Variants in TBXAS1 observed in about 807,000 individuals in gnomAD.
TBXAS1 encodes the protein thromboxane-A synthase.
A neutral mutation model predicts 60.7 loss-of-function variants in TBXAS1; 48 were observed. The observed-to-expected ratio is 0.79, with a 90% confidence interval of 0.63 to 1.01. TBXAS1 has a LOEUF of 1.01. TBXAS1 is among the 50% of genes least tolerant of loss of function. The pLI is 0.00. For missense variants in TBXAS1, 685 were observed against 686.3 expected, an observed-to-expected ratio of 1.00 and a Z score of 0.02; for synonymous variants, 287 against 269.7, an observed-to-expected ratio of 1.06 and a Z score of -0.63.
chr7:139,907,709 T>A (rs1805213435), intron 3 of TBXAS1, among the ~76,000 whole-genome samples: 1 of 152,072 alleles, frequency 6.6e-6, no homozygotes, highest in African/African-American at 2.4e-5. Flanking sequence ...AACCATCAAG[T>A]ATGATTTAAG....
intron 9 of TBXAS1, among the ~76,000 whole-genome samples, chr7:139,991,961 T>C (rs1228146846): frequency 6.6e-6 from 1 of 152,172 alleles, no homozygotes; most frequent in Non-Finnish European, 1.5e-5. Flanking sequence ...AGATGGAGTA[T>C]GGGTCTCACT....
intron 9 of TBXAS1, among the ~76,000 whole-genome samples, chr7:139,969,600 AAAT>A (rs940532535): frequency 3.9e-5 from 6 of 152,196 alleles, no homozygotes; most frequent in Non-Finnish European, 2.9e-5. Context: ...TGGAAAAAAA[AAAT>A]GTCTTCCCAT....
chr7:139,979,013 G>A (rs940066877), intron 9 of TBXAS1, among the ~76,000 whole-genome samples: 1 of 152,152 alleles, frequency 6.6e-6, no homozygotes, highest in South Asian at 2.1e-4. Context: ...TGACTTCAAG[G>A]TAGAGGCAGA....
intron 3 of TBXAS1, among the ~76,000 whole-genome samples, chr7:139,785,487 G>GTTGTTT (rs1554462810): frequency 4.0e-5 from 6 of 150,448 alleles, no homozygotes; most frequent in Admixed American, 1.3e-4. Context: ...TGTTGTTGTT[G>GTTGTTT]TTTTTTGTGT....
chr7:139,963,426 C>A (rs898967226), intron 9 of TBXAS1, among the ~76,000 whole-genome samples: 1 of 152,238 alleles, frequency 6.6e-6, no homozygotes, highest in Non-Finnish European at 1.5e-5. Context: ...CCTATTTCAT[C>A]CAAGTCATTG....
At chr7:139,906,952 A>G (rs527535516) in intron 3 of TBXAS1, among the ~76,000 whole-genome samples, 20 of 152,264 alleles carry the variant, frequency 1.3e-4, no homozygotes, top group Non-Finnish European at 2.6e-4. Context: ...ATTTTTTAGT[A>G]GTTTCTCTGT....
chr7:139,839,984 C>CA (rs563726492), intron 1 of TBXAS1, among the ~76,000 whole-genome samples: 49,900 of 109,040 alleles, frequency 0.46, 10,225 homozygotes, highest in South Asian at 0.69. Flanking sequence ...AACTCTGTCT[C>CA]AAAAAAAAAA....
chr7:139,838,011 C>A (rs1159899769), intron 1 of TBXAS1, among the ~76,000 whole-genome samples: 1 of 152,178 alleles, frequency 6.6e-6, no homozygotes, highest in South Asian at 2.1e-4. Context: ...AAGTCCACAA[C>A]CATCAGCCCC....
At position 140,020,094 on chromosome 7, in the gene TBXAS1, C is replaced by T. The variant is rs201159138; in HGVS notation, c.1597C>T (p.Arg533Cys). 14 of 1,612,900 alleles carry T rather than the reference C, an allele frequency of 8.7e-6. No homozygotes were observed. In the Middle Eastern group the frequency reaches 6.6e-4, roughly 76 times the overall value. ...TGGTGTCTATATCAAGATCGTATCC[C>T]GCTGACACAGAAGGCTGCCGGGTGG... ...KNGVYIKIVS[R>C] Residue 533 changes from arginine to cysteine, a missense_variant, in exon 13 of 13, where the codon CGC becomes TGC. By Grantham distance (180) the Arg-to-Cys change is radical. Coordinates refer to ENST00000448866, the MANE Select transcript of TBXAS1 (RefSeq NM_001061.7).
In TBXAS1 at chr7:140,004,732, C is replaced by G. The variant is rs1813928385; in HGVS notation, c.1135-2359C>G. 6.6e-6 allele frequency among the ~76,000 whole-genome samples: 1 copy of G among 152,234 alleles called. No individual in the cohort carries two copies. On this transcript the variant is annotated intron_variant, in intron 9 of 12. Transcript: ENST00000448866. This position sits in a 1 kb window ranked among gnomAD's most constrained non-coding sequence, Gnocchi z 5.1. ...AGGGAAATTGGTCCAGCTGTCTCCC[C>G]TTTCCACAGCCTTCCCCAGCCAGCC...
chr7:139,953,853 C>A (rs1436506160), intron 6 of TBXAS1, among the ~76,000 whole-genome samples: 1 of 152,196 alleles, frequency 6.6e-6, no homozygotes, highest in Non-Finnish European at 1.5e-5. Context: ...GATTATCTGG[C>A]TTTTCGTCAT....
intron 3 of TBXAS1, among the ~76,000 whole-genome samples, chr7:139,905,035 CTTTCTTTCTTTCTTTCTTTCTT>C (rs1569511438): frequency 3.5e-5 from 3 of 86,636 alleles, no homozygotes; most frequent in African/African-American, 5.4e-5. Context: ...TTCTTTCTTT[CTTTCTTTCTTTCTTTCTTTCTT>C]TCTCTCTCTC....
chr7:139,985,691 G>A (rs186124430), intron 9 of TBXAS1, among the ~76,000 whole-genome samples: 11 of 152,234 alleles, frequency 7.2e-5, no homozygotes, highest in East Asian at 1.9e-4. Flanking sequence ...GTGATTTCAC[G>A]TCTGTTGATG....
chr7:139,924,519 C>T (rs979231056), intron 4 of TBXAS1, among the ~76,000 whole-genome samples: 1 of 151,716 alleles, frequency 6.6e-6, no homozygotes, highest in African/African-American at 2.4e-5. Flanking sequence ...TTTTTTCCTG[C>T]AGAGTTGTTT....
At chr7:139,928,275 A>G (rs1807047898) in intron 4 of TBXAS1, among the ~76,000 whole-genome samples, 1 of 152,234 alleles carries the variant, frequency 6.6e-6, no homozygotes, top group South Asian at 2.1e-4. Context: ...TGTTAATGCA[A>G]CAAGTTACAT....
intron 1 of TBXAS1, among the ~76,000 whole-genome samples, chr7:139,856,918 C>A (rs1037153782): frequency 1.3e-5 from 2 of 152,132 alleles, no homozygotes; most frequent in African/African-American, 4.8e-5. Context: ...GCGTCAACAC[C>A]AATGGAGGCT....
At chr7:139,843,553 G>T (rs1415482441) in intron 1 of TBXAS1, among the ~76,000 whole-genome samples, 1 of 152,162 alleles carries the variant, frequency 6.6e-6, no homozygotes, top group Non-Finnish European at 1.5e-5. Flanking sequence ...ATGTTGGCCA[G>T]TCTGGTCTCG....
rs757201633 is a variant in TBXAS1, at chr7:139,955,548, T to C, written c.629T>C (p.Val210Ala). The C allele has an allele frequency of 1.2e-6, 2 of 1,614,108 alleles. No individual in the cohort carries two copies. The highest frequency in any genetic ancestry group is 2.2e-5 in the East Asian group (1 of 44,888). Reference sequence around the variant, plus strand: ...TGGCAGGCCCCTGAGGATCCCTTTGTGAAACACTGCAAGCGTTTCTTCGAA... The same window carrying C: ...TGGCAGGCCCCTGAGGATCCCTTTGCGAAACACTGCAAGCGTTTCTTCGAA... ...DSWQAPEDPF[V>A]KHCKRFFEFC... Residue 210 changes from valine (V) to alanine (A), a missense_variant, in exon 7 of 13, where the codon GTG becomes GCG. Physicochemically the swap from Val to Ala is moderately conservative, Grantham distance 64. Transcript: ENST00000448866.
At chr7:139,834,613 G>A (rs891241234) in intron 1 of TBXAS1, among the ~76,000 whole-genome samples, 10 of 152,084 alleles carry the variant, frequency 6.6e-5, no homozygotes, top group African/African-American at 1.7e-4. Context: ...CCCAAATAAC[G>A]TCACTGAGAA....
Sources: gnomAD v4.1 joint callset for allele counts (sites outside exome capture counted in the v4.1 genomes callset) on GRCh38, gnomAD v4.1.1 for gene constraint, Gnocchi (gnomAD v3.1) non-coding constraint, MANE v1.5 for transcripts, NCBI Gene and HGNC (gene_info 2026-07-23, HGNC 2026-07-21) for gene names.